FREM1: variants seen among roughly 807,000 people sequenced by gnomAD.
FREM1 encodes FRAS1 related extracellular matrix 1.
FREM1 carries 220 observed loss-of-function variants against 210.1 expected under a neutral mutation model. The observed-to-expected ratio is 1.05, with a 90% CI of 0.94 to 1.17. The LOEUF (loss-of-function observed/expected upper bound fraction) is 1.17, where lower values mean the gene tolerates loss of function less well. Ranked by LOEUF, FREM1 falls within the 50% of genes most tolerant of loss-of-function variation. The pLI is 0.00. For synonymous variants in FREM1, 1,189 were observed against 980.2 expected (o/e 1.21, Z -3.98); for missense variants, 3,454 against 2,675.5 (o/e 1.29, Z -6.42).
intron 23 of FREM1, among the ~76,000 whole-genome samples, chr9:14,784,993 T>A (rs1461813138): frequency 6.6e-6 from 1 of 152,194 alleles, no homozygotes; most frequent in Non-Finnish European, 1.5e-5. Flanking sequence ...CATACAATTT[T>A]GGAAAGAGTG....
At chr9:14,861,996 G>A (rs932078702) in intron 3 of FREM1, among the ~76,000 whole-genome samples, 4 of 152,074 alleles carry the variant, frequency 2.6e-5, no homozygotes, top group Admixed American at 6.6e-5. Flanking sequence ...CTTCCCACCC[G>A]CTCCGCGCAA....
chr9:14,908,243 G>A (rs769263952), intron 1 of FREM1, among the ~76,000 whole-genome samples: 1 of 152,142 alleles, frequency 6.6e-6, no homozygotes, highest in Non-Finnish European at 1.5e-5. Context: ...TCTCATCCCT[G>A]TGGGATGGTC....
At chr9:14,892,306 C>A (rs905177242) in intron 1 of FREM1, among the ~76,000 whole-genome samples, 1 of 152,104 alleles carries the variant, frequency 6.6e-6, no homozygotes, top group Non-Finnish European at 1.5e-5. Context: ...TTTGCACACA[C>A]AAATTGGCTG....
intron 25 of FREM1, among the ~76,000 whole-genome samples, chr9:14,771,329 G>T (rs964164177): frequency 6.6e-6 from 1 of 151,970 alleles, no homozygotes; most frequent in African/African-American, 2.4e-5. Context: ...TTTTCAACTG[G>T]CAAAAATGTT....
chr9:14,745,866 G>T (rs958755240), intron 35 of FREM1, among the ~76,000 whole-genome samples: 5 of 152,114 alleles, frequency 3.3e-5, no homozygotes, highest in African/African-American at 1.2e-4. Context: ...TGTCTTACTT[G>T]CCCAGCTTTA....
At chr9:14,746,291 A>G (rs533204220) in intron 35 of FREM1, 62 bp downstream of exon 35, 200 of 1,224,132 alleles carry the variant, frequency 1.6e-4, no homozygotes, top group Non-Finnish European at 2.2e-4. Flanking sequence ...CTCCGCTTCC[A>G]TGAGCAAATA....
chr9:14,848,689 C>G lies in FREM1; in HGVS notation c.1237G>C (p.Ala413Pro). The change falls in exon 7 of 37, where the codon GCC becomes CCC. Residue 413 changes from alanine (A) to proline (P), a missense_variant. By Grantham distance (27) the Ala-to-Pro change is conservative. Transcript: ENST00000380880. ...CCTGTATTCCAGGATACACGGGGGGCATTTGTATCTGCTGTTCTGATGGAG... is the reference window on the plus strand; with the variant it reads ...CCTGTATTCCAGGATACACGGGGGGGATTTGTATCTGCTGTTCTGATGGAG... ...HISIRTADTN[A>P]PRVSWNTGLS... The G allele has an allele frequency of 6.2e-7, 1 of 1,609,408 alleles. No individual in the cohort carries two copies. The highest frequency in any genetic ancestry group is 8.5e-7 in the Non-Finnish European group (1 of 1,176,202).
At chr9:14,867,600 T>C (rs996637224) in intron 2 of FREM1, among the ~76,000 whole-genome samples, 3 of 152,216 alleles carry the variant, frequency 2.0e-5, no homozygotes, top group Non-Finnish European at 2.9e-5. Flanking sequence ...ATGGAGTGTC[T>C]AGAGACACCA....
At chr9:14,902,511 G>T (rs79808562) in intron 1 of FREM1, among the ~76,000 whole-genome samples, 2 of 152,212 alleles carry the variant, frequency 1.3e-5, no homozygotes, top group South Asian at 2.1e-4. Context: ...GTCTCTACTG[G>T]GGGTAAATGA....
intron 24 of FREM1, among the ~76,000 whole-genome samples, chr9:14,778,596 A>C (rs1000837722): frequency 3.6e-4 from 48 of 132,262 alleles, no homozygotes; most frequent in African/African-American, 1.2e-3. Flanking sequence ...CAACAGACAG[A>C]GAACCTGTCT....
chr9:14,893,202 G>C (rs774352330), intron 1 of FREM1, among the ~76,000 whole-genome samples: 18 of 152,214 alleles, frequency 1.2e-4, no homozygotes, highest in Middle Eastern at 3.4e-3. Flanking sequence ...TGAATGAATG[G>C]TAAAAATTAC....
intron 10 of FREM1, among the ~76,000 whole-genome samples, chr9:14,826,654 C>T (rs554472401): frequency 3.3e-5 from 5 of 152,164 alleles, no homozygotes; most frequent in African/African-American, 1.2e-4. Flanking sequence ...AACTTAATTT[C>T]CAATACAAGA....
At chr9:14,778,941 A>C (rs1462517257) in intron 24 of FREM1, among the ~76,000 whole-genome samples, 4 of 152,180 alleles carry the variant, frequency 2.6e-5, no homozygotes, top group African/African-American at 9.6e-5. Flanking sequence ...CTGTTCTTCA[A>C]ACTTTTTACT....
At chr9:14,860,745 A>G (rs1342768053) in intron 3 of FREM1, among the ~76,000 whole-genome samples, 11 of 125,648 alleles carry the variant, frequency 8.8e-5, no homozygotes, top group East Asian at 2.5e-4. Flanking sequence ...ATACACATAT[A>G]TATGCACATA....
chr9:14,830,059 G>A (rs1823261206), intron 10 of FREM1, among the ~76,000 whole-genome samples: 1 of 152,186 alleles, frequency 6.6e-6, no homozygotes, highest in African/African-American at 2.4e-5. Flanking sequence ...ACAAGTCAGA[G>A]AAGAAAGTGG....
chr9:14,791,820 G>GTTTGTTTTGTTTTGTTTTGTTTTGT (rs71323912), intron 22 of FREM1, among the ~76,000 whole-genome samples: 3 of 150,234 alleles, frequency 2.0e-5, no homozygotes, highest in African/African-American at 7.3e-5. Context: ...TCAGATAATG[G>GTTTGTTTTGTTTTGTTTTGTTTTGT]TTTGTTTTGT....
At chr9:14,857,933 A>G (rs556810395) in intron 4 of FREM1, among the ~76,000 whole-genome samples, 184 bp from the exon 5 acceptor site, 12 of 152,186 alleles carry the variant, frequency 7.9e-5, no homozygotes, top group Non-Finnish European at 1.8e-4. Flanking sequence ...CTTTACTGAA[A>G]AACGGTTGAC....
intron 5 of FREM1, among the ~76,000 whole-genome samples, chr9:14,852,592 G>A (rs1013634152): frequency 1.4e-4 from 21 of 152,196 alleles, no homozygotes; most frequent in Non-Finnish European, 8.8e-5. Context: ...TACTCGAGTG[G>A]CTGAAGCAGG....
intron 4 of FREM1, among the ~76,000 whole-genome samples, chr9:14,858,963 G>A (rs889842285): frequency 2.0e-5 from 3 of 152,082 alleles, no homozygotes; most frequent in Non-Finnish European, 4.4e-5. Flanking sequence ...GGCTTAGACA[G>A]GTTAATAACT....
Sources: gnomAD v4.1 joint callset for allele counts (sites outside exome capture counted in the v4.1 genomes callset) on GRCh38, gnomAD v4.1.1 for gene constraint, MANE v1.5 for transcripts, NCBI Gene and HGNC (gene_info 2026-07-23, HGNC 2026-07-21) for gene names.